The following ST18 variants were observed in gnomAD, a reference collection of about 807,000 sequenced individuals.
ST18 encodes suppression of tumorigenicity 18 protein.
ST18 carries 50 observed loss-of-function variants against 110.0 expected under a neutral mutation model. The observed-to-expected ratio is 0.45, with a 90% CI of 0.36 to 0.58. The LOEUF (loss-of-function observed/expected upper bound fraction) is 0.58, where lower values mean the gene tolerates loss of function less well. Among genes scored for constraint, ST18 ranks in the 20% least tolerant of loss-of-function variants. The pLI, the probability that ST18 is intolerant of heterozygous loss-of-function variation, is 0.00. For missense variants in ST18, 1,306 were observed against 1,280.1 expected (o/e 1.02, Z -0.31); for synonymous variants, 461 against 452.4 (o/e 1.02, Z -0.24).
Position 52,172,308 on chromosome 8 carries a change from G to C in ST18, c.553C>G (p.Pro185Ala). 6.2e-7 allele frequency: 1 copy of C among 1,614,194 alleles called. No individual in the cohort carries two copies. The highest frequency in any genetic ancestry group is 8.5e-7 in the Non-Finnish European group (1 of 1,180,050). ...GRDKIDDSQPPFCSSDDNESN... is the reference protein window; with the variant it reads ...GRDKIDDSQPAFCSSDDNESN... ...TCATTGTCATCAGAGGAGCAGAAGG[G>C]TGGCTGAGAATCATCAATCTTGTCT... The change falls in exon 10 of 26, where the codon CCC (proline) becomes GCC (alanine). Residue 185 changes from proline to alanine, a missense_variant. By Grantham distance (27) the Pro-to-Ala change is conservative. Transcript: ENST00000689386.
intron 2 of ST18, chr8:52,406,328 C>A (rs1366784303): frequency 6.6e-6 from 1 of 152,276 alleles, no homozygotes; most frequent in Admixed American, 6.5e-5. Flanking sequence ...CAACAAGACT[C>A]CAACCATTGC....
chr8:52,251,412 C>T (rs546547560), intron 2 of ST18, among the ~76,000 whole-genome samples: 1 of 152,112 alleles, frequency 6.6e-6, no homozygotes, highest in South Asian at 2.1e-4. Context: ...ATACACACTG[C>T]CTCCCATATA....
chr8:52,340,392 C>T (rs1217573385), intron 2 of ST18, among the ~76,000 whole-genome samples: 1 of 152,224 alleles, frequency 6.6e-6, no homozygotes, highest in Non-Finnish European at 1.5e-5. Flanking sequence ...CAGAGAACTA[C>T]TCAGTCTTCC....
chr8:52,319,499 T>C (rs930964468), intron 2 of ST18, among the ~76,000 whole-genome samples: 1 of 152,238 alleles, frequency 6.6e-6, no homozygotes, highest in Non-Finnish European at 1.5e-5. Flanking sequence ...AATATGTTTC[T>C]CTTTTTTAGT....
intron 15 of ST18, among the ~76,000 whole-genome samples, chr8:52,155,704 GT>G (rs1011443977): frequency 2.0e-5 from 3 of 152,084 alleles, no homozygotes; most frequent in African/African-American, 4.8e-5. Context: ...GGAAATCAAA[GT>G]TTTTTTGCCC....
intron 2 of ST18, among the ~76,000 whole-genome samples, chr8:52,264,235 A>C (rs1020737427): frequency 3.3e-5 from 5 of 152,226 alleles, no homozygotes; most frequent in Non-Finnish European, 5.9e-5. Context: ...CTTGAACATT[A>C]AGTAATAAGA....
chr8:52,222,588 C>A (rs1193907151), intron 3 of ST18, among the ~76,000 whole-genome samples: 1 of 152,146 alleles, frequency 6.6e-6, no homozygotes, highest in African/African-American at 2.4e-5. Context: ...TCTAAGCACA[C>A]CAACATACAA....
In ST18 at chr8:52,214,244, G is replaced by C; in HGVS notation, c.14C>G (p.Ala5Gly). The C allele has an allele frequency of 6.2e-7, 1 of 1,614,032 alleles. No homozygotes were observed. The change falls in exon 7 of 26, where the codon GCT (alanine) becomes GGT (glycine). Residue 5 changes from alanine to glycine, a missense_variant. Physicochemically the swap from Ala to Gly is moderately conservative, Grantham distance 60. Coordinates refer to ENST00000689386, the MANE Select transcript of ST18 (RefSeq NM_001352837.2). Reference protein sequence around the residue: MDAEAEDKTLRTRSK... With the variant: MDAEGEDKTLRTRSK... ...GCGAGTACGCAGCGTTTTATCTTCA[G>C]CCTCTGCATCCATCTATAACATGAA...
intron 2 of ST18, among the ~76,000 whole-genome samples, chr8:52,317,604 G>C (rs555503762): frequency 6.6e-6 from 1 of 152,324 alleles, no homozygotes; most frequent in South Asian, 2.1e-4. Context: ...ATACGTCATG[G>C]TGTGTTTATC....
chr8:52,192,456 T>C (rs898545358), intron 8 of ST18, among the ~76,000 whole-genome samples: 6 of 152,018 alleles, frequency 3.9e-5, no homozygotes, highest in African/African-American at 1.4e-4. Context: ...AAAATAACCA[T>C]GGAAATACAA....
chr8:52,293,095 C>G (rs775614388), intron 2 of ST18, among the ~76,000 whole-genome samples: 17 of 152,218 alleles, frequency 1.1e-4, no homozygotes, highest in Non-Finnish European at 2.4e-4. Flanking sequence ...CGCATATATA[C>G]CCCTAAAATG....
chr8:52,240,925 C>A (rs79323333), intron 2 of ST18, among the ~76,000 whole-genome samples: 1,768 of 152,284 alleles, frequency 0.012, 38 homozygotes, highest in African/African-American at 0.041. Flanking sequence ...ATTTCAGATC[C>A]ACTGATCAGC....
intron 2 of ST18, among the ~76,000 whole-genome samples, chr8:52,259,714 C>T (rs990958286): frequency 6.6e-6 from 1 of 152,148 alleles, no homozygotes; most frequent in African/African-American, 2.4e-5. Flanking sequence ...ACTCTTCCAA[C>T]TAACTTTTCC....
intron 2 of ST18, among the ~76,000 whole-genome samples, chr8:52,269,071 T>C (rs2094981583): frequency 6.6e-6 from 1 of 152,184 alleles, no homozygotes; most frequent in East Asian, 1.9e-4. Context: ...TGTAACTTAA[T>C]CTAGGAAAAA....
intron 14 of ST18, among the ~76,000 whole-genome samples, chr8:52,159,464 G>A (rs548515371): frequency 1.7e-4 from 26 of 152,204 alleles, no homozygotes; most frequent in Non-Finnish European, 3.2e-4. Flanking sequence ...AGGGACTACA[G>A]AGAGTTTAAG....
intron 9 of ST18, among the ~76,000 whole-genome samples, chr8:52,174,608 C>T (rs1208897098): frequency 6.6e-6 from 1 of 152,162 alleles, no homozygotes; most frequent in Non-Finnish European, 1.5e-5. Flanking sequence ...GACAAAAATG[C>T]ACATGTGCAC....
chr8:52,229,343 C>T (rs1289463970), intron 3 of ST18, among the ~76,000 whole-genome samples: 3 of 152,226 alleles, frequency 2.0e-5, no homozygotes, highest in Non-Finnish European at 4.4e-5. Context: ...ACATTCCATT[C>T]TGGAGGCTCC....
At chr8:52,220,210 T>A (rs1209930486) in intron 5 of ST18, among the ~76,000 whole-genome samples, 1 of 152,222 alleles carries the variant, frequency 6.6e-6, no homozygotes, top group Non-Finnish European at 1.5e-5. Context: ...TTGAGATGCA[T>A]CTGTTGCAAA....
intron 2 of ST18, among the ~76,000 whole-genome samples, chr8:52,286,831 G>C (rs575093132): frequency 2.6e-5 from 4 of 151,472 alleles, no homozygotes; most frequent in African/African-American, 7.3e-5. Flanking sequence ...CTGGAAACTT[G>C]TTAGAAACAC....
Sources: gnomAD v4.1 joint callset for allele counts (sites outside exome capture counted in the v4.1 genomes callset) on GRCh38, gnomAD v4.1.1 for gene constraint, MANE v1.5 for transcripts, NCBI Gene and HGNC (gene_info 2026-07-23, HGNC 2026-07-21) for gene names.